The following RPS19 variants were observed in gnomAD, a reference collection of about 807,000 sequenced individuals.
RPS19 encodes ribosomal protein S19.
A neutral mutation model predicts 20.3 loss-of-function variants in RPS19; 1 was observed. The ratio of observed to expected loss-of-function variants is 0.05; its 90% confidence interval spans 0.02 to 0.23. The LOEUF is 0.23. Ranked by LOEUF, RPS19 falls within the 10% of genes least tolerant of loss-of-function variation. The pLI is 1.00. For missense variants in RPS19, 111 were observed against 192.7 expected (o/e 0.58, Z 2.51); for synonymous variants, 87 against 74.8 (o/e 1.16, Z -0.84).
At chr19:41,861,757 T>G (rs1028514416) in intron 3 of RPS19, among the ~76,000 whole-genome samples, 2 of 152,256 alleles carry the variant, frequency 1.3e-5, no homozygotes, top group Admixed American at 6.5e-5. Context: ...TCTCCATATC[T>G]CTAACAGGCT....
chr19:41,861,754 A>G (rs1220109691), intron 3 of RPS19: 3 of 173,180 alleles, frequency 1.7e-5, no homozygotes, highest in African/African-American at 7.2e-5. Flanking sequence ...CCTTCTCCAT[A>G]TCTCTAACAG....
At chr19:41,870,200 C>G (rs1205418960) in intron 5 of RPS19, among the ~76,000 whole-genome samples, 2 of 151,960 alleles carry the variant, frequency 1.3e-5, no homozygotes, top group African/African-American at 2.4e-5. Context: ...CAAGATCATG[C>G]CATTGCACCC....
Position 41,871,922 on chromosome 19 carries a change from A to G in RPS19, c.*545A>G, listed in dbSNP as rs2123292051. 6.0e-6 allele frequency: 1 copy of G among 166,280 alleles called. No homozygotes were observed. The highest frequency in any genetic ancestry group is 5.7e-5 in the Admixed American group (1 of 17,596). The allele number at this position is 166,280 out of a possible 1,614,324, so 10.3% of individuals were successfully genotyped here. A position where few individuals can be genotyped will look rare whatever the true frequency, so the allele number is the denominator to read the frequency against. On this transcript the variant is annotated 3_prime_UTR_variant, in exon 6 of 6. Transcript: ENST00000598742. ...TTCCCTGGAAGGTAGAAAAGGACAG[A>G]CCACCAGGGAGCCTCCACCGCAAAC... is the stretch of plus-strand genomic sequence containing the variant.
chr19:41,860,661 A>C, intron 1 of RPS19, 114 bp from the exon 2 acceptor site: 1 of 863,340 alleles, frequency 1.2e-6, no homozygotes, highest in African/African-American at 1.6e-5. Context: ...GTGGGAAGTA[A>C]CGGGGGGTAC....
chr19:41,872,529 TG>T lies in RPS19; in HGVS notation c.*1154del, dbSNP rs1555842246. 9 of 152,336 alleles carry T rather than the reference TG, an allele frequency of 5.9e-5. No homozygotes were observed. The allele number at this position is 152,336 out of a possible 1,614,324, so 9.4% of individuals were successfully genotyped here. On this transcript the variant is annotated 3_prime_UTR_variant, in exon 6 of 6. Transcript: ENST00000598742. The stretch of plus-strand genomic sequence containing the variant: ...TCCTGAGAGACTGGACAAGATGCCG[TG>T]GAGAGCCTTGGCTCTGAGTAGCTCT...
In RPS19 at chr19:41,871,503, G is replaced by A. The variant is rs7246519; in HGVS notation, c.*126G>A. 5.5e-5 allele frequency: 44 copies of A among 802,648 alleles called. No individual in the cohort carries two copies. The highest frequency in any genetic ancestry group is 9.7e-5 in the Admixed American group (5 of 51,300). The allele number at this position is 802,648 out of a possible 1,614,324, so 49.7% of individuals were successfully genotyped here. A position where few individuals can be genotyped will look rare whatever the true frequency, so the allele number is the denominator to read the frequency against. ...GCCATCTCAGCTCACTGCAATCTCC[G>A]CCTTCTGGGTTCAAATGATTCTCCT... On this transcript the variant is annotated 3_prime_UTR_variant, in exon 6 of 6. Transcript: ENST00000598742.
chr19:41,860,521 G>A (rs902404245), intron 1 of RPS19: 2 of 543,442 alleles, frequency 3.7e-6, no homozygotes, highest in Non-Finnish European at 6.7e-6. Flanking sequence ...GAGTCCCGGG[G>A]CTGGGGAGTG....
Position 41,869,678 on chromosome 19 carries a change from A to C in RPS19, c.357-21A>C, listed in dbSNP as rs373069315. 6 of 1,613,350 alleles carry C rather than the reference A, an allele frequency of 3.7e-6. No homozygotes were observed. The African/African-American group carries it at 8.0e-5, about 22-fold the overall frequency. On this transcript the variant is annotated intron_variant, in intron 4 of 5. Coordinates refer to ENST00000598742, the MANE Select transcript of RPS19 (RefSeq NM_001022.4). ...AGGACCTGTGCTCACTGGGGCCTGC[A>C]TGACCCTTCCCTCCCCACAGCGGCC... is the stretch of plus-strand genomic sequence containing the variant.
At chr19:41,864,110 G>T in intron 3 of RPS19, 1 of 152,316 alleles carries the variant, frequency 6.6e-6, no homozygotes, top group Non-Finnish European at 1.5e-5. Context: ...CAAAGTGCTG[G>T]GATTACAGGC....
chr19:41,870,629 A>G (rs2074136634), intron 5 of RPS19, among the ~76,000 whole-genome samples: 1 of 152,126 alleles, frequency 6.6e-6, no homozygotes, highest in Non-Finnish European at 1.5e-5. Flanking sequence ...TCAATTCTGT[A>G]TCACTGACTC....
chr19:41,866,690 C>T (rs938466264), intron 3 of RPS19, among the ~76,000 whole-genome samples: 4 of 152,176 alleles, frequency 2.6e-5, no homozygotes, highest in African/African-American at 9.7e-5. Context: ...CCCAAGTCCA[C>T]AGATGCTCAC....
intron 5 of RPS19, among the ~76,000 whole-genome samples, chr19:41,870,849 CTTTTTTTTTTTTTTTTTT>C (rs35987051): frequency 4.5e-5 from 2 of 43,964 alleles, no homozygotes; most frequent in African/African-American, 1.8e-4. Context: ...CACTCCCTTC[CTTTTTTTTTTTTTTTTTT>C]TTTTTTTTTT....
chr19:41,860,960 C>T (rs1600608363), intron 2 of RPS19, 115 bp downstream of exon 2: 2 of 1,132,920 alleles, frequency 1.8e-6, no homozygotes, highest in Non-Finnish European at 1.3e-6. Flanking sequence ...GCCTCCGTGG[C>T]TCCTTTCAGC....
intron 3 of RPS19, among the ~76,000 whole-genome samples, chr19:41,861,841 A>G (rs1422534876): frequency 1.3e-5 from 2 of 152,130 alleles, no homozygotes; most frequent in Non-Finnish European, 2.9e-5. Flanking sequence ...TCTTATGGAC[A>G]CCCTGCAACC....
rs2074139987 is a variant in RPS19 at position 41,870,848 on chromosome 19, C to CTTTTTTTTTTTTTTTT, written c.412-503_412-502insTTTTTTTTTTTTTTTT. On this transcript the variant is annotated intron_variant, in intron 5 of 5. Transcript: ENST00000598742. Reference sequence around the variant, plus strand: ...TTGGACTCCACTCCGCCACTCCCTTCCTTTTTTTTTTTTTTTTTTTTTTTT... The same window carrying CTTTTTTTTTTTTTTTT: ...TTGGACTCCACTCCGCCACTCCCTTCTTTTTTTTTTTTTTTTCTTTTTTTTTTTTTTTTTTTTTTTT... Among the ~76,000 whole-genome samples the CTTTTTTTTTTTTTTTT allele has an allele frequency of 2.1e-4, 18 of 85,766 alleles. 4 individuals carry two copies. The highest frequency in any genetic ancestry group is 3.1e-4 in the African/African-American group (7 of 22,542). The allele number at this position is 85,766 out of a possible 152,430, so 56.3% of individuals were successfully genotyped here.
rs368674113 is a variant in RPS19 at position 41,871,432 on chromosome 19, CTT to C, written c.*60_*61del. The stretch of plus-strand genomic sequence containing the variant: ...TCATTCGTAATCCTGGTCTGGGTCT[CTT>C]TTTTGAGTCTCTTGCTCTGTCGCCC... On this transcript the variant is annotated 3_prime_UTR_variant, in exon 6 of 6. Coordinates refer to ENST00000598742, the MANE Select transcript of RPS19 (RefSeq NM_001022.4). 12 of 1,515,960 alleles carry C rather than the reference CTT, an allele frequency of 7.9e-6. No individual in the cohort carries two copies. Among genetic ancestry groups the C allele is most frequent in the Admixed American group, 1.7e-5 (1 of 59,762 alleles). 93.9% of individuals were successfully genotyped at this position (1,515,960 alleles called of 1,614,324 possible).
intron 3 of RPS19, among the ~76,000 whole-genome samples, chr19:41,866,378 G>A (rs923156989): frequency 1.3e-5 from 2 of 152,266 alleles, no homozygotes; most frequent in Non-Finnish European, 2.9e-5. Flanking sequence ...ACAGGGCCCA[G>A]AGGGATGGCA....
intron 3 of RPS19, among the ~76,000 whole-genome samples, chr19:41,868,291 G>A (rs2074109744): frequency 6.6e-6 from 1 of 152,208 alleles, no homozygotes. Flanking sequence ...CACGGAGCCA[G>A]TGAGTACCCT....
At chr19:41,862,597 C>T (rs1333963653) in intron 3 of RPS19, among the ~76,000 whole-genome samples, 2 of 151,816 alleles carry the variant, frequency 1.3e-5, no homozygotes, top group Admixed American at 1.3e-4. Context: ...TCTGCACATA[C>T]CAAATACCTC....
Sources: allele counts gnomAD v4.1 joint callset (sites outside exome capture counted in the v4.1 genomes callset), GRCh38; gene constraint gnomAD v4.1.1; transcripts MANE v1.5; gene names NCBI Gene and HGNC (gene_info 2026-07-23, HGNC 2026-07-21).